KCNH7: variants seen among roughly 807,000 people sequenced by gnomAD.
The protein encoded by KCNH7 is potassium voltage-gated channel subfamily H member 7.
Under a neutral mutation model 120.8 loss-of-function variants are expected in KCNH7, and 49 were observed. That is an observed-to-expected ratio of 0.41 (90% CI 0.32 to 0.51). The LOEUF (loss-of-function observed/expected upper bound fraction) is 0.51, where lower values mean the gene tolerates loss of function less well. KCNH7 is among the 20% of genes least tolerant of loss of function. The pLI is 0.38. For missense variants in KCNH7, 1,097 were observed against 1,446.6 expected (o/e 0.76, Z 3.92); for synonymous variants, 547 against 516.1 (o/e 1.06, Z -0.81).
intron 9 of KCNH7, among the ~76,000 whole-genome samples, chr2:162,415,843 C>G (rs1339653919): frequency 6.6e-6 from 1 of 152,064 alleles, no homozygotes; most frequent in East Asian, 1.9e-4. Flanking sequence ...TAACCTAGTC[C>G]TTTTCTTCAT....
At chr2:162,421,220 T>G (rs1687699860) in intron 9 of KCNH7, among the ~76,000 whole-genome samples, 1 of 152,088 alleles carries the variant, frequency 6.6e-6, no homozygotes, top group Non-Finnish European at 1.5e-5. Context: ...AATACAGGCA[T>G]GCAGATGAGA....
chr2:162,798,227 C>T (rs562813483), intron 2 of KCNH7, among the ~76,000 whole-genome samples: 7 of 151,940 alleles, frequency 4.6e-5, no homozygotes, highest in Admixed American at 2.0e-4. Context: ...TTTAAGAAAA[C>T]GAAAGTAGTT....
chr2:162,764,644 C>T (rs1010938710), intron 2 of KCNH7, among the ~76,000 whole-genome samples: 1 of 152,056 alleles, frequency 6.6e-6, no homozygotes, highest in African/African-American at 2.4e-5. Context: ...TCGAAACTGA[C>T]AGGGAATAAA....
intron 2 of KCNH7, among the ~76,000 whole-genome samples, chr2:162,658,689 A>G (rs2105273455): frequency 6.6e-6 from 1 of 152,186 alleles, no homozygotes; most frequent in Admixed American, 6.5e-5. Flanking sequence ...GGTTGTATAT[A>G]TTTTGTTAGA....
intron 8 of KCNH7, among the ~76,000 whole-genome samples, chr2:162,423,823 GCATTTGAAATAAAC>G (rs1687777714): frequency 1.3e-5 from 2 of 152,054 alleles, no homozygotes; most frequent in African/African-American, 4.8e-5. Flanking sequence ...GGGAGAAAAT[GCATTTGAAATAAAC>G]CCTTTCACTT....
At chr2:162,511,136 T>C (rs1211638256) in intron 5 of KCNH7, among the ~76,000 whole-genome samples, 1 of 151,550 alleles carries the variant, frequency 6.6e-6, no homozygotes, top group African/African-American at 2.4e-5. Flanking sequence ...CTATTAAAAA[T>C]GAGAGAGTTG....
intron 2 of KCNH7, among the ~76,000 whole-genome samples, chr2:162,684,843 A>C (rs1009183780): frequency 7.9e-5 from 12 of 152,136 alleles, no homozygotes; most frequent in African/African-American, 2.9e-4. Flanking sequence ...CAATCCCATT[A>C]CTGGGTATAT....
chr2:162,406,767 T>G (rs868518311), intron 9 of KCNH7, among the ~76,000 whole-genome samples: 1 of 152,036 alleles, frequency 6.6e-6, no homozygotes, highest in Non-Finnish European at 1.5e-5. Flanking sequence ...TCTTTAGCAC[T>G]TGTAAGATAC....
At chr2:162,781,418 T>C (rs1368466761) in intron 2 of KCNH7, among the ~76,000 whole-genome samples, 1 of 152,266 alleles carries the variant, frequency 6.6e-6, no homozygotes, top group African/African-American at 2.4e-5. Context: ...GTTTATTAAA[T>C]CCCTATGTTT....
At chr2:162,386,920 C>T (rs1355636934) in intron 12 of KCNH7, among the ~76,000 whole-genome samples, 1 of 151,560 alleles carries the variant, frequency 6.6e-6, no homozygotes, top group African/African-American at 2.4e-5. Flanking sequence ...TGAATGATAA[C>T]TTGCTGATTT....
At chr2:162,777,028 C>G (rs1683266773) in intron 2 of KCNH7, among the ~76,000 whole-genome samples, 1 of 152,144 alleles carries the variant, frequency 6.6e-6, no homozygotes, top group Non-Finnish European at 1.5e-5. Context: ...CATTCACCAT[C>G]TTTGACTAGT....
chr2:162,783,705 CTT>C (rs553085275), intron 2 of KCNH7, among the ~76,000 whole-genome samples: 137 of 152,300 alleles, frequency 9.0e-4, no homozygotes, highest in Middle Eastern at 3.4e-3. Flanking sequence ...AATATTCTCT[CTT>C]AAATTTATTT....
chr2:162,530,955 C>G (rs1691901927), intron 3 of KCNH7, among the ~76,000 whole-genome samples: 1 of 151,752 alleles, frequency 6.6e-6, no homozygotes, highest in Non-Finnish European at 1.5e-5. Flanking sequence ...AAACTGACAC[C>G]AAGTAAGAGG....
At chr2:162,613,160 A>G (rs1321338900) in intron 2 of KCNH7, among the ~76,000 whole-genome samples, 1 of 152,024 alleles carries the variant, frequency 6.6e-6, no homozygotes, top group African/African-American at 2.4e-5. Flanking sequence ...AGGAATCCAC[A>G]GTCAGAGGTA....
At chr2:162,468,277 A>C (rs1347466406) in intron 6 of KCNH7, among the ~76,000 whole-genome samples, 2 of 152,172 alleles carry the variant, frequency 1.3e-5, no homozygotes, top group Admixed American at 1.3e-4. Context: ...AGCATTGTTA[A>C]AACATTAAAA....
chr2:162,463,982 A>G (rs1689233456), intron 6 of KCNH7, among the ~76,000 whole-genome samples: 1 of 151,990 alleles, frequency 6.6e-6, no homozygotes, highest in Non-Finnish European at 1.5e-5. Context: ...TGATTCTATC[A>G]TAGTCAAGAA....
chr2:162,822,369 G>A (rs1049632029), intron 2 of KCNH7, among the ~76,000 whole-genome samples: 5 of 152,038 alleles, frequency 3.3e-5, no homozygotes, highest in African/African-American at 9.6e-5. Flanking sequence ...ATGTAAACAC[G>A]GTCCTCACAA....
At chr2:162,468,511 C>T (rs1317633731) in intron 6 of KCNH7, among the ~76,000 whole-genome samples, 5 of 120,526 alleles carry the variant, frequency 4.1e-5, no homozygotes, top group African/African-American at 1.2e-4. Flanking sequence ...TTATTCTTTT[C>T]CTTTTTTTTT....
chr2:162,462,103 T>C (rs778761235), intron 6 of KCNH7, among the ~76,000 whole-genome samples: 4 of 152,254 alleles, frequency 2.6e-5, no homozygotes, highest in Admixed American at 6.5e-5. Flanking sequence ...TTAACTCACA[T>C]TGTTTAAACA....
Sources: allele counts gnomAD v4.1 joint callset (sites outside exome capture counted in the v4.1 genomes callset), GRCh38; gene constraint gnomAD v4.1.1; transcripts MANE v1.5; gene names NCBI Gene and HGNC (gene_info 2026-07-23, HGNC 2026-07-21).